The following CCSER1 variants were observed in gnomAD, a reference collection of about 807,000 sequenced individuals.
The protein encoded by CCSER1 is coiled-coil serine rich protein 1.
A neutral mutation model predicts 82.0 loss-of-function variants in CCSER1; 41 were observed. The ratio of observed to expected loss-of-function variants is 0.50; its 90% CI spans 0.39 to 0.65. The LOEUF (loss-of-function observed/expected upper bound fraction) is 0.65. CCSER1 is among the 30% of genes least tolerant of loss of function. CCSER1 has a pLI of 0.00. For synonymous variants in CCSER1, 414 were observed against 383.9 expected (o/e 1.08, Z -0.92); for missense variants, 1,119 against 1,064.2 (o/e 1.05, Z -0.72).
intron 10 of CCSER1, among the ~76,000 whole-genome samples, chr4:91,145,883 A>AT (rs1435273639): frequency 1.3e-5 from 2 of 152,074 alleles, no homozygotes; most frequent in South Asian, 2.1e-4. Flanking sequence ...TTCAATTAAC[A>AT]TTTTTTCTTG....
At chr4:91,487,362 T>C (rs960715591) in intron 10 of CCSER1, among the ~76,000 whole-genome samples, 7 of 152,130 alleles carry the variant, frequency 4.6e-5, no homozygotes, top group Admixed American at 2.6e-4. Flanking sequence ...GGAAACTAAT[T>C]TGCACAATTC....
chr4:91,515,904 T>A (rs1760089423), intron 10 of CCSER1, among the ~76,000 whole-genome samples: 1 of 150,678 alleles, frequency 6.6e-6, no homozygotes, highest in Non-Finnish European at 1.5e-5. Flanking sequence ...ATAGCCATTC[T>A]AACTCATTTG....
chr4:90,554,704 T>C (rs1389983423), intron 5 of CCSER1, among the ~76,000 whole-genome samples: 1 of 152,222 alleles, frequency 6.6e-6, no homozygotes, highest in Non-Finnish European at 1.5e-5. Context: ...CATGCCAGTG[T>C]GTAAGGGAAC....
At chr4:91,160,127 T>A (rs1731233372) in intron 10 of CCSER1, among the ~76,000 whole-genome samples, 1 of 151,434 alleles carries the variant, frequency 6.6e-6, no homozygotes, top group Admixed American at 6.6e-5. Flanking sequence ...TTCCCACCTA[T>A]GAGTGAGAAC....
chr4:91,174,036 A>G (rs892224126), intron 10 of CCSER1, among the ~76,000 whole-genome samples: 2 of 152,240 alleles, frequency 1.3e-5, no homozygotes, highest in African/African-American at 4.8e-5. Context: ...AATAAACAAG[A>G]CAAAACTACC....
At chr4:90,208,080 T>C (rs1416552349) in intron 1 of CCSER1, among the ~76,000 whole-genome samples, 1 of 152,230 alleles carries the variant, frequency 6.6e-6, no homozygotes, top group Non-Finnish European at 1.5e-5. Flanking sequence ...CGTTTAAGTC[T>C]GCTGAAGCTG....
At chr4:90,564,652 C>T (rs1348393746) in intron 5 of CCSER1, among the ~76,000 whole-genome samples, 1 of 150,586 alleles carries the variant, frequency 6.6e-6, no homozygotes, top group Non-Finnish European at 1.5e-5. Flanking sequence ...AGTTTTATGG[C>T]TTCAGGTCTT....
intron 6 of CCSER1, among the ~76,000 whole-genome samples, chr4:90,630,121 A>G (rs1724096491): frequency 7.7e-6 from 1 of 130,076 alleles, no homozygotes; most frequent in African/African-American, 3.7e-5. Flanking sequence ...GCACATTACT[A>G]TGTGTATAAC....
intron 5 of CCSER1, among the ~76,000 whole-genome samples, chr4:90,575,175 A>G (rs1183931048): frequency 1.3e-5 from 2 of 152,204 alleles, no homozygotes; most frequent in Non-Finnish European, 2.9e-5. Context: ...TTATGTTGCT[A>G]TAACAAAATT....
chr4:91,360,652 A>T (rs554916884), intron 10 of CCSER1, among the ~76,000 whole-genome samples: 8 of 151,924 alleles, frequency 5.3e-5, no homozygotes, highest in Non-Finnish European at 2.9e-5. Flanking sequence ...AGCCAACAAG[A>T]CAGCCATAAC....
At chr4:90,346,028 A>G (rs1213277980) in intron 3 of CCSER1, among the ~76,000 whole-genome samples, 1 of 151,888 alleles carries the variant, frequency 6.6e-6, no homozygotes, top group Non-Finnish European at 1.5e-5. Context: ...TCCTTAATTT[A>G]TGTAAATACC....
intron 10 of CCSER1, among the ~76,000 whole-genome samples, chr4:91,149,988 T>G (rs1386734679): frequency 6.6e-6 from 1 of 152,190 alleles, no homozygotes; most frequent in African/African-American, 2.4e-5. Context: ...ATGTGAACTT[T>G]AAAGTAGTTT....
intron 10 of CCSER1, among the ~76,000 whole-genome samples, chr4:91,473,655 G>T (rs186177977): frequency 6.6e-6 from 1 of 151,988 alleles, no homozygotes; most frequent in African/African-American, 2.4e-5. Context: ...TACTTCTTAG[G>T]TTTGTTGTGA....
Position 90,435,686 on chromosome 4 carries a change from A to G in CCSER1, c.1604-32548A>G, listed in dbSNP as rs142227933. 2.2e-3 allele frequency among the ~76,000 whole-genome samples: 332 copies of G among 152,290 alleles called. 1 individual carries two copies. Among genetic ancestry groups the G allele is most frequent in the African/African-American group, 7.7e-3 (322 of 41,580 alleles). Reference sequence around the variant, plus strand: ...GTGTTTTACTTGTGCTGATTTATGTATACCATTAATGTGGCAGTATTTTAA... The same window carrying G: ...GTGTTTTACTTGTGCTGATTTATGTGTACCATTAATGTGGCAGTATTTTAA... On this transcript the variant is annotated intron_variant, in intron 4 of 10. Transcript: ENST00000509176.
At chr4:90,895,053 A>T (rs567156850) in intron 8 of CCSER1, among the ~76,000 whole-genome samples, 1 of 152,106 alleles carries the variant, frequency 6.6e-6, no homozygotes, top group South Asian at 2.1e-4. Context: ...AACATGGAGC[A>T]AAATATAATG....
At position 91,571,336 on chromosome 4, in the gene CCSER1, G is replaced by A. The variant is rs572359657; in HGVS notation, c.2218-27236G>A. 1.5e-4 allele frequency among the ~76,000 whole-genome samples: 23 copies of A among 152,194 alleles called. 1 individual carries two copies. In the South Asian group the frequency reaches 3.3e-3, roughly 22 times the overall value. Reference sequence around the variant, plus strand: ...AGTTGCTTCCACAATTTTTGGTATCGTTATAGCAGCACCCCACACTCTGTG... The same window carrying A: ...AGTTGCTTCCACAATTTTTGGTATCATTATAGCAGCACCCCACACTCTGTG... On this transcript the variant is annotated intron_variant, in intron 10 of 10. Coordinates refer to ENST00000509176, the MANE Select transcript of CCSER1 (RefSeq NM_001145065.2).
At chr4:90,137,791 G>A (rs1187154051) in intron 1 of CCSER1, among the ~76,000 whole-genome samples, 3 of 152,244 alleles carry the variant, frequency 2.0e-5, no homozygotes, top group Admixed American at 6.5e-5. Context: ...AAAACATGCC[G>A]TTTTTGTTTA....
intron 5 of CCSER1, among the ~76,000 whole-genome samples, chr4:90,601,511 G>T (rs548363649): frequency 3.1e-4 from 47 of 152,184 alleles, no homozygotes; most frequent in African/African-American, 1.1e-3. Flanking sequence ...ACCAAATGAA[G>T]CCAAAAGTTA....
chr4:91,524,338 C>A (rs1490994114), intron 10 of CCSER1, among the ~76,000 whole-genome samples: 1 of 151,994 alleles, frequency 6.6e-6, no homozygotes, highest in Admixed American at 6.6e-5. Context: ...GTAAGTTAGT[C>A]ATAAGTAAAA....
Sources: gnomAD v4.1 joint callset for allele counts (sites outside exome capture counted in the v4.1 genomes callset) on GRCh38, gnomAD v4.1.1 for gene constraint, MANE v1.5 for transcripts, NCBI Gene and HGNC (gene_info 2026-07-23, HGNC 2026-07-21) for gene names.